Variants in CDK19 observed in about 807,000 individuals in gnomAD.
The protein encoded by CDK19 is cyclin dependent kinase 19, also known as cyclin-dependent kinase 19.
In CDK19, 20 loss-of-function variants were observed where a neutral mutation model predicts 68.3. The ratio of observed to expected loss-of-function variants is 0.29; its 90% CI spans 0.21 to 0.43. The LOEUF is 0.43. Ranked by LOEUF, CDK19 falls within the 20% of genes least tolerant of loss-of-function variation. The pLI is 1.00. For missense variants in CDK19, 339 were observed against 623.5 expected, an observed-to-expected ratio of 0.54 and a Z score of 4.86; for synonymous variants, 221 against 222.8, an observed-to-expected ratio of 0.99 and a Z score of 0.07.
intron 2 of CDK19, among the ~76,000 whole-genome samples, chr6:110,718,951 T>G (rs1378603485): frequency 6.6e-6 from 1 of 152,068 alleles, no homozygotes; most frequent in Non-Finnish European, 1.5e-5. Context: ...GGGAAAGATA[T>G]GAGGTAAAGA....
chr6:110,694,265 G>A (rs1279547603), intron 2 of CDK19, among the ~76,000 whole-genome samples: 1 of 152,020 alleles, frequency 6.6e-6, no homozygotes, highest in African/African-American at 2.4e-5. Context: ...AACACATAAG[G>A]CCTCACATAA....
intron 4 of CDK19, among the ~76,000 whole-genome samples, chr6:110,639,562 A>G (rs1026684634): frequency 6.6e-6 from 1 of 152,240 alleles, no homozygotes; most frequent in African/African-American, 2.4e-5. Flanking sequence ...ACATAAGTAG[A>G]AAGAAAACTA....
chr6:110,641,695 G>C, intron 4 of CDK19, among the ~76,000 whole-genome samples: 1 of 128,432 alleles, frequency 7.8e-6, no homozygotes, highest in East Asian at 2.3e-4. Context: ...GGAGGGACAA[G>C]GCAGAGGGCA....
chr6:110,772,384 A>C (rs3021294), intron 1 of CDK19, among the ~76,000 whole-genome samples: 5,345 of 151,986 alleles, frequency 0.035, 301 homozygotes, highest in African/African-American at 0.12. Context: ...CGCCCCCTTA[A>C]TTCAAATTAT....
chr6:110,814,960 G>T (rs371439348), intron 1 of CDK19, 49 bp downstream of exon 1: 113 of 1,595,010 alleles, frequency 7.1e-5, no homozygotes, highest in African/African-American at 8.3e-5. Flanking sequence ...CCAGGTCGCG[G>T]GCAGGGCGAG....
intron 1 of CDK19, among the ~76,000 whole-genome samples, chr6:110,786,491 T>C (rs562171756): frequency 1.3e-5 from 2 of 152,314 alleles, no homozygotes; most frequent in Admixed American, 1.3e-4. Flanking sequence ...ATGGCTTCTG[T>C]GGCTGTAACA....
At chr6:110,666,462 G>C (rs1009354911) in intron 4 of CDK19, among the ~76,000 whole-genome samples, 7 of 146,340 alleles carry the variant, frequency 4.8e-5, no homozygotes, top group Non-Finnish European at 9.0e-5. Context: ...AAATTATAAG[G>C]AGAAATGCTT....
intron 4 of CDK19, among the ~76,000 whole-genome samples, chr6:110,651,853 T>C (rs1185552773): frequency 6.6e-6 from 1 of 152,162 alleles, no homozygotes; most frequent in Non-Finnish European, 1.5e-5. Context: ...AACTACAGTT[T>C]TAGTTTATTT....
chr6:110,637,136 T>C (rs1331487194), intron 5 of CDK19, among the ~76,000 whole-genome samples: 1 of 152,254 alleles, frequency 6.6e-6, no homozygotes, highest in Admixed American at 6.5e-5. Flanking sequence ...AGGGTGGTTG[T>C]GTAAAATAAA....
At chr6:110,743,732 A>G (rs1479614933) in intron 2 of CDK19, among the ~76,000 whole-genome samples, 3 of 152,170 alleles carry the variant, frequency 2.0e-5, no homozygotes, top group East Asian at 1.9e-4. Flanking sequence ...ACACATGCCC[A>G]TGGATTCCCT....
At chr6:110,761,915 C>A (rs1779257693) in intron 1 of CDK19, among the ~76,000 whole-genome samples, 1 of 152,080 alleles carries the variant, frequency 6.6e-6, no homozygotes, top group African/African-American at 2.4e-5. Flanking sequence ...AAATAAAATA[C>A]ACTTGACACT....
chr6:110,776,285 T>C (rs574737933), intron 1 of CDK19, among the ~76,000 whole-genome samples: 41 of 151,588 alleles, frequency 2.7e-4, no homozygotes, highest in African/African-American at 9.9e-4. Context: ...AAAAATCAGC[T>C]GGGCGCAGTG....
At chr6:110,686,254 AG>A (rs1310380189) in intron 2 of CDK19, among the ~76,000 whole-genome samples, 1 of 152,216 alleles carries the variant, frequency 6.6e-6, no homozygotes, top group Admixed American at 6.5e-5. Flanking sequence ...GTGCATATGT[AG>A]GAAACCTAAC....
chr6:110,719,972 G>GCCC (rs1167384607), intron 2 of CDK19, among the ~76,000 whole-genome samples: 1 of 45,520 alleles, frequency 2.2e-5, no homozygotes, highest in African/African-American at 8.3e-5. Flanking sequence ...CTTGTGATCC[G>GCCC]CCCCCCCCCC....
intron 2 of CDK19, among the ~76,000 whole-genome samples, chr6:110,739,859 C>CA (rs1777524616): frequency 6.6e-6 from 1 of 151,582 alleles, no homozygotes; most frequent in Admixed American, 6.6e-5. Flanking sequence ...AGGCTGATCT[C>CA]AAACTCTTGG....
intron 4 of CDK19, among the ~76,000 whole-genome samples, chr6:110,665,393 G>A (rs1013823501): frequency 1.3e-5 from 2 of 152,180 alleles, no homozygotes; most frequent in African/African-American, 4.8e-5. Context: ...TAGGAAGAGG[G>A]TGGTGCCATA....
chr6:110,697,753 A>G (rs762748806), intron 2 of CDK19, among the ~76,000 whole-genome samples: 1 of 152,182 alleles, frequency 6.6e-6, no homozygotes, highest in Non-Finnish European at 1.5e-5. Flanking sequence ...CACATTACCC[A>G]ATTTCAAACT....
intron 1 of CDK19, among the ~76,000 whole-genome samples, chr6:110,776,392 G>GCACT (rs1780397696): frequency 6.6e-6 from 1 of 151,188 alleles, no homozygotes; most frequent in Non-Finnish European, 1.5e-5. Flanking sequence ...TCGTGCCACT[G>GCACT]CACTCCAGCC....
At chr6:110,770,694 C>A (rs922291117) in intron 1 of CDK19, among the ~76,000 whole-genome samples, 1 of 152,172 alleles carries the variant, frequency 6.6e-6, no homozygotes, top group African/African-American at 2.4e-5. Flanking sequence ...TCAGCATTAA[C>A]CCAAAAGTCC....
Sources: allele counts gnomAD v4.1 joint callset (sites outside exome capture counted in the v4.1 genomes callset), GRCh38; gene constraint gnomAD v4.1.1; transcripts MANE v1.5; gene names NCBI Gene and HGNC (gene_info 2026-07-23, HGNC 2026-07-21).